The following HIVEP3 variants were observed in gnomAD, a reference collection of about 807,000 sequenced individuals.
The protein encoded by HIVEP3 is HIVEP zinc finger 3.
A neutral mutation model predicts 152.8 loss-of-function variants in HIVEP3; 49 were observed. The ratio of observed to expected loss-of-function variants is 0.32; its 90% CI spans 0.26 to 0.41. The LOEUF (loss-of-function observed/expected upper bound fraction) is 0.41. HIVEP3 is among the 10% of genes least tolerant of loss of function. The pLI is 1.00. For missense variants in HIVEP3, 2,790 were observed against 3,103.3 expected (o/e 0.90, Z 2.40); for synonymous variants, 1,269 against 1,289.0 (o/e 0.98, Z 0.33).
chr1:41,580,246 G>T lies in HIVEP3; in HGVS notation c.4552C>A (p.Pro1518Thr). 6.2e-7 allele frequency: 1 copy of T among 1,613,472 alleles called. No individual in the cohort carries two copies. Among genetic ancestry groups the T allele is most frequent in the Non-Finnish European group, 8.5e-7 (1 of 1,179,678 alleles). ...GGGGCTGTCCCATGGGACAATGCAG[G>T]GTGAGGGAGGGGAGGAATTTCCTTT... ...DTKEIPPLPH[P>T]ALSHGTAPGS... Residue 1518 changes from proline (P) to threonine (T), a missense_variant, in exon 4 of 9, where the codon CCT becomes ACT. Transcript: ENST00000372583.
At chr1:41,566,205 T>C (rs1226717115) in intron 5 of HIVEP3, among the ~76,000 whole-genome samples, 2 of 152,174 alleles carry the variant, frequency 1.3e-5, no homozygotes, top group Non-Finnish European at 2.9e-5. Flanking sequence ...GGTTTCAAAA[T>C]AGTCATTCAC....
chr1:41,873,168 G>C lies in HIVEP3; in HGVS notation c.-801+45245C>G, dbSNP rs1203672981. Among the ~76,000 whole-genome samples the C allele has an allele frequency of 1.3e-5, 2 of 152,208 alleles. No individual in the cohort carries two copies. The highest frequency in any genetic ancestry group is 2.4e-5 in the African/African-American group (1 of 41,456). Reference sequence around the variant, plus strand: ...CTGCTCTAGCCAGATGCCTCCCCTGGTGTTTACTTCACCCACAGGAAAATG... The same window carrying C: ...CTGCTCTAGCCAGATGCCTCCCCTGCTGTTTACTTCACCCACAGGAAAATG... On this transcript the variant is annotated intron_variant, in intron 1 of 8. Transcript: ENST00000372583. The surrounding 1 kb of genome is among the most constrained non-coding windows in gnomAD (Gnocchi z 4.2).
chr1:41,959,397 G>A (rs1231087520), intron 1 of HIVEP3, among the ~76,000 whole-genome samples: 1 of 152,216 alleles, frequency 6.6e-6, no homozygotes, highest in Non-Finnish European at 1.5e-5. Context: ...ATAGCTGAGA[G>A]TCTGATCCTG....
intron 1 of HIVEP3, among the ~76,000 whole-genome samples, chr1:41,973,046 G>GCACGCA (rs376955989): frequency 6.8e-6 from 1 of 147,120 alleles, no homozygotes; most frequent in Non-Finnish European, 1.5e-5. Flanking sequence ...ACATGTGCGT[G>GCACGCA]CACACACACA....
intron 1 of HIVEP3, among the ~76,000 whole-genome samples, chr1:41,719,561 C>T (rs1160896561): frequency 1.3e-5 from 2 of 152,234 alleles, no homozygotes. Flanking sequence ...AGCAGATGTT[C>T]CTGAACTAGT....
intron 2 of HIVEP3, among the ~76,000 whole-genome samples, chr1:41,649,983 C>T (rs568408908): frequency 2.0e-4 from 30 of 152,090 alleles, no homozygotes; most frequent in African/African-American, 6.8e-4. Context: ...CCCACATCCC[C>T]GGGGGTGGGA....
intron 1 of HIVEP3, among the ~76,000 whole-genome samples, chr1:41,985,173 C>T (rs1645315063): frequency 6.6e-6 from 1 of 152,070 alleles, no homozygotes; most frequent in Non-Finnish European, 1.5e-5. Context: ...GTGAACTATG[C>T]TAAGCATGGT....
chr1:41,529,218 T>C (rs1643148973), intron 5 of HIVEP3, among the ~76,000 whole-genome samples: 4 of 78,852 alleles, frequency 5.1e-5, no homozygotes, highest in South Asian at 4.7e-4. Context: ...ACTCACACCC[T>C]CACCCTCACA....
At chr1:41,897,965 G>C (rs1257399568) in intron 1 of HIVEP3, among the ~76,000 whole-genome samples, 1 of 149,194 alleles carries the variant, frequency 6.7e-6, no homozygotes, top group African/African-American at 2.5e-5. Flanking sequence ...GAGAGAGAGA[G>C]AGAGAGAGAG....
At chr1:41,924,226 G>A (rs1023792458) in intron 1 of HIVEP3, among the ~76,000 whole-genome samples, 1 of 152,192 alleles carries the variant, frequency 6.6e-6, no homozygotes, top group African/African-American at 2.4e-5. Flanking sequence ...GCCACCAGGA[G>A]CAGAAAGAGG....
At chr1:41,752,546 C>T (rs559776328) in intron 1 of HIVEP3, among the ~76,000 whole-genome samples, 217 of 152,320 alleles carry the variant, frequency 1.4e-3, no homozygotes, top group African/African-American at 5.1e-3. Context: ...GGGAGGCAGA[C>T]AAAATACATC....
Position 41,584,651 on chromosome 1 carries a change from G to A in HIVEP3, c.147C>T (p.Pro49=), listed in dbSNP as rs149273700. ...GCTGCGGGGCTAAGAGCTCTTGGGC[G>A]GGGCTCTCTTGGGTGGCAGCTGTGC... is the stretch of plus-strand genomic sequence containing the variant. ...GSGTAATQES[P]AQELLAPQPF... The change falls in exon 4 of 9, where the codon CCC becomes CCT. Residue 49 remains proline (P), a synonymous_variant. Transcript: ENST00000372583. This position sits in a 1 kb window ranked among gnomAD's most constrained non-coding sequence, Gnocchi z 5.2. 41 of 1,597,808 alleles carry A rather than the reference G, an allele frequency of 2.6e-5. No homozygotes were observed. In the African/African-American group the frequency reaches 3.8e-4, roughly 15 times the overall value.
intron 1 of HIVEP3, among the ~76,000 whole-genome samples, chr1:41,941,448 GAAGGA>G: frequency 6.6e-6 from 1 of 152,290 alleles, no homozygotes; most frequent in African/African-American, 2.4e-5. Flanking sequence ...CTACAGAGAA[GAAGGA>G]AAGGGGGTGT....
rs201665342 is a variant in HIVEP3 at position 41,513,739 on chromosome 1, C to T, written c.5482G>A (p.Asp1828Asn). 1.7e-5 allele frequency: 27 copies of T among 1,563,940 alleles called. No individual in the cohort carries two copies. The East Asian group carries it at 1.8e-4, about 10-fold the overall frequency. The change falls in exon 8 of 9, where the codon GAC (aspartate) becomes AAC (asparagine). Residue 1828 changes from aspartate to asparagine, a missense_variant. Asp to Asn is a conservative substitution (Grantham distance 23). Around this residue, in one of 9 missense-constraint regions of HIVEP3, gnomAD observed 816 missense variants for 806.5 expected, o/e 1.01. Transcript: ENST00000372583. ...CGTCCTTCCGAGTCCTGGAACAGGT[C>T]GTCACTGGTTCCTGAGGGCAAACAC... ...ELEAEEGTSD[D>N]LFQDSEGREG...
chr1:41,594,764 G>C (rs994187047), intron 3 of HIVEP3, among the ~76,000 whole-genome samples: 20 of 151,708 alleles, frequency 1.3e-4, no homozygotes, highest in Non-Finnish European at 2.9e-5. Context: ...TTCCCTTTAT[G>C]ACTTTTAGGT....
rs1642513444 is a variant in HIVEP3, at chr1:41,513,537, G to A, written c.5684C>T (p.Ser1895Leu). 2 of 1,608,542 alleles carry A rather than the reference G, an allele frequency of 1.2e-6. No individual in the cohort carries two copies. Among genetic ancestry groups the A allele is most frequent in the Non-Finnish European group, 1.7e-6 (2 of 1,178,194 alleles). Residue 1895 changes from serine to leucine, a missense_variant, in exon 8 of 9, where the codon TCA (serine) becomes TTA (leucine). Ser to Leu is a moderately radical substitution (Grantham distance 145). Coordinates refer to ENST00000372583, the MANE Select transcript of HIVEP3 (RefSeq NM_024503.5). ...TGGGGGCTGAGGGCCCAGGATGGGT[G>A]AGGAGTCTGCCCGCAGTGCATGTGG... ...GPPHALRADS[S>L]PILGPQPPDA... is the part of the protein sequence containing the mutation.
intron 1 of HIVEP3, among the ~76,000 whole-genome samples, chr1:41,939,084 G>A (rs564243714): frequency 1.3e-5 from 2 of 152,268 alleles, no homozygotes; most frequent in South Asian, 2.1e-4. Context: ...CTTTAGGATT[G>A]ATAGATGATA....
intron 1 of HIVEP3, among the ~76,000 whole-genome samples, chr1:41,802,644 A>T (rs1650373367): frequency 6.6e-6 from 1 of 152,162 alleles, no homozygotes; most frequent in South Asian, 2.1e-4. Context: ...AAATGATTCT[A>T]GTCGACTTAC....
chr1:41,536,358 C>T (rs573545621), intron 5 of HIVEP3, among the ~76,000 whole-genome samples: 7 of 152,214 alleles, frequency 4.6e-5, no homozygotes, highest in South Asian at 2.1e-4. Flanking sequence ...ACCGACAGAG[C>T]GGCTTTGGGT....
Sources: gnomAD v4.1 joint callset for allele counts (sites outside exome capture counted in the v4.1 genomes callset) on GRCh38, gnomAD v4.1.1 for gene constraint, gnomAD v4.1.1 regional missense constraint, Gnocchi (gnomAD v3.1) non-coding constraint, MANE v1.5 for transcripts, NCBI Gene and HGNC (gene_info 2026-07-23, HGNC 2026-07-21) for gene names.